PLEKHJ1: variants seen among roughly 807,000 people sequenced by gnomAD.
PLEKHJ1 encodes pleckstrin homology domain containing J1.
PLEKHJ1 carries 20 observed loss-of-function variants against 21.7 expected under a neutral mutation model. The observed-to-expected ratio is 0.92, with a 90% CI of 0.65 to 1.34. The LOEUF is 1.34. Among genes scored for constraint, PLEKHJ1 ranks in the 40% most tolerant of loss-of-function variants. PLEKHJ1 has a pLI of 0.00. For synonymous variants in PLEKHJ1, 113 were observed against 80.6 expected, an observed-to-expected ratio of 1.40 and a Z score of -2.15; for missense variants, 241 against 202.0, an observed-to-expected ratio of 1.19 and a Z score of -1.17.
At chr19:2,230,223 A>G (rs1198771235), downstream of PLEKHJ1, 2 of 412,484 alleles carry the variant, frequency 4.8e-6, no homozygotes, top group Non-Finnish European at 8.5e-6. Context: ...GACGCTGACA[A>G]CGCCGAACCC....
intron 3 of PLEKHJ1, chr19:2,234,465 C>CT (rs2024728126): frequency 2.0e-6 from 1 of 512,460 alleles, no homozygotes; most frequent in Non-Finnish European, 3.5e-6. Context: ...AATCCCAGCG[C>CT]TTTGAGAGGC....
downstream of PLEKHJ1, among the ~76,000 whole-genome samples, chr19:2,232,839 C>T (rs909570273): frequency 5.3e-5 from 8 of 152,296 alleles, no homozygotes; most frequent in Admixed American, 2.6e-4. Flanking sequence ...ACCAGATCTG[C>T]GACCCCAATG....
downstream of PLEKHJ1, chr19:2,231,572 A>C (rs368073980): frequency 2.1e-5 from 4 of 194,702 alleles, no homozygotes; most frequent in Non-Finnish European, 4.2e-5. Flanking sequence ...CTGTCCTCTT[A>C]AGTGGTGCCC....
chr19:2,236,066 C>CCGGACT (rs2024802464), intron 1 of PLEKHJ1, 76 bp from the exon 2 acceptor site: 1 of 1,443,026 alleles, frequency 6.9e-7, no homozygotes, highest in African/African-American at 1.5e-5. Flanking sequence ...GGCGCCCCGA[C>CCGGACT]CCGGACTCCG....
Position 2,233,639 on chromosome 19 carries a change from T to A in PLEKHJ1, c.*201A>T, listed in dbSNP as rs561317250. On this transcript the variant is annotated 3_prime_UTR_variant, in exon 6 of 6. Transcript: ENST00000326631. ...CTGTGATCCCCGCTACTTGGGAAGC[T>A]GAGGCAGGAGGATCACTTGAGTCCA... 2.3e-4 allele frequency: 134 copies of A among 576,204 alleles called. No homozygotes were observed. The highest frequency in any genetic ancestry group is 2.1e-3 in the African/African-American group (114 of 53,598). 35.7% of individuals were successfully genotyped at this position (576,204 alleles called of 1,614,324 possible).
Position 2,234,077 on chromosome 19 carries a change from G to A in PLEKHJ1, c.321-16C>T, listed in dbSNP as rs1211150321. On this transcript the variant is annotated splice_polypyrimidine_tract_variant and intron_variant, in intron 4 of 5. Coordinates refer to ENST00000326631, the MANE Select transcript of PLEKHJ1 (RefSeq NM_018049.3). ...GAACTCGTAGCTGGGGAAAAGGGTG[G>A]CACGGGGTCAAATGCCCGCTCTGCA... The A allele has an allele frequency of 8.7e-6, 14 of 1,613,448 alleles. No homozygotes were observed. The highest frequency in any genetic ancestry group is 1.2e-5 in the Non-Finnish European group (14 of 1,180,016).
intron 3 of PLEKHJ1, 24 bp downstream of exon 3, chr19:2,235,738 G>T: frequency 1.3e-6 from 2 of 1,540,504 alleles, no homozygotes; most frequent in South Asian, 2.4e-5. Flanking sequence ...GGGAAGCGCC[G>T]CTGGCTTCCC....
downstream of PLEKHJ1, chr19:2,230,270 G>A (rs895265916): frequency 3.7e-5 from 16 of 426,744 alleles, no homozygotes; most frequent in Middle Eastern, 6.0e-4. Flanking sequence ...CTCCCCCGAC[G>A]CGCTGCTCCC....
chr19:2,235,217 C>G (rs1184024169), intron 3 of PLEKHJ1: 1 of 152,586 alleles, frequency 6.6e-6, no homozygotes, highest in Non-Finnish European at 1.5e-5. Flanking sequence ...CGGCCCCACC[C>G]ACACCTTCAT....
At chr19:2,235,479 GGCTGGCCCACCT>G in intron 3 of PLEKHJ1, 1 of 487,574 alleles carries the variant, frequency 2.1e-6, no homozygotes, top group Non-Finnish European at 3.6e-6. Flanking sequence ...CTTTGGGTGG[GGCTGGCCCACCT>G]GCCCTGTAAG....
At position 2,235,769 on chromosome 19, in the gene PLEKHJ1, G is replaced by C. The variant is rs1306994646; in HGVS notation, c.222C>G (p.Phe74Leu). ...CRVVREEPGTFSISFIEDPER... is the reference protein window; with the variant it reads ...CRVVREEPGTLSISFIEDPER... The stretch of plus-strand genomic sequence containing the variant: ...TTCCCTAGCCCCACTCACTGATGGA[G>C]AAGGTGCCGGGCTCTTCCCGGACGA... Residue 74 changes from phenylalanine (F) to leucine (L), a missense_variant, in exon 3 of 6, where the codon TTC (phenylalanine) becomes TTG (leucine). By Grantham distance (22) the Phe-to-Leu change is conservative (BLOSUM62 0). Transcript: ENST00000326631. 1 of 1,548,918 alleles carries C rather than the reference G, an allele frequency of 6.5e-7. No individual in the cohort carries two copies. Among genetic ancestry groups the C allele is most frequent in the African/African-American group, 1.4e-5 (1 of 73,104 alleles).
chr19:2,235,634 G>A, intron 3 of PLEKHJ1, 128 bp downstream of exon 3: 1 of 759,956 alleles, frequency 1.3e-6, no homozygotes, highest in Non-Finnish European at 2.1e-6. Context: ...ATGCACTCTT[G>A]TGTTTGAGGA....
chr19:2,230,584 G>A (rs866860917), downstream of PLEKHJ1: 4 of 398,734 alleles, frequency 1.0e-5, no homozygotes, highest in South Asian at 1.3e-4. Flanking sequence ...GCGATGCGGG[G>A]CAGGCCTGTC....
At chr19:2,233,085 G>C (rs887411939), downstream of PLEKHJ1, 1 of 152,508 alleles carries the variant, frequency 6.6e-6, no homozygotes, top group Non-Finnish European at 1.5e-5. Context: ...AGGACCCTGA[G>C]CCTTACTTCC....
At chr19:2,231,562 C>G (rs1237866489), downstream of PLEKHJ1, 1 of 204,268 alleles carries the variant, frequency 4.9e-6, no homozygotes, top group Non-Finnish European at 1.0e-5. Flanking sequence ...TGCTCCGGAC[C>G]TGTCCTCTTA....
downstream of PLEKHJ1, chr19:2,232,395 C>G (rs1463200390): frequency 4.6e-6 from 1 of 219,418 alleles, no homozygotes; most frequent in African/African-American, 2.3e-5. Flanking sequence ...ACACAACACG[C>G]TGCTGGTCTG....
At chr19:2,235,737 C>T (rs918632570) in intron 3 of PLEKHJ1, 25 bp downstream of exon 3, 4 of 1,541,274 alleles carry the variant, frequency 2.6e-6, no homozygotes, top group Non-Finnish European at 2.6e-6. Flanking sequence ...CGGGAAGCGC[C>T]GCTGGCTTCC....
downstream of PLEKHJ1, chr19:2,230,334 T>C: frequency 2.4e-6 from 1 of 415,190 alleles, no homozygotes; most frequent in Non-Finnish European, 4.2e-6. Flanking sequence ...CCCCGCGGCC[T>C]GAGCCCCTTC....
downstream of PLEKHJ1, chr19:2,230,240 C>T (rs539431334): frequency 8.3e-4 from 345 of 413,832 alleles, 1 homozygote; most frequent in Non-Finnish European, 1.8e-4. Context: ...ACCCCGTTCT[C>T]GGAAACGCCG....
Sources: gnomAD v4.1 joint callset for allele counts (sites outside exome capture counted in the v4.1 genomes callset) on GRCh38, gnomAD v4.1.1 for gene constraint, MANE v1.5 for transcripts, NCBI Gene and HGNC (gene_info 2026-07-23, HGNC 2026-07-21) for gene names.